Variants in CCBE1 observed in about 807,000 individuals in gnomAD.
The protein encoded by CCBE1 is collagen and calcium-binding EGF domain-containing protein 1.
A neutral mutation model predicts 50.0 loss-of-function variants in CCBE1; 37 were observed. The ratio of observed to expected loss-of-function variants is 0.74; its 90% CI spans 0.57 to 0.97. CCBE1 has a LOEUF of 0.97. CCBE1 is among the 50% of genes least tolerant of loss of function. CCBE1 has a pLI of 0.00. For synonymous variants in CCBE1, 234 were observed against 203.7 expected (o/e 1.15, Z -1.27); for missense variants, 538 against 523.8 (o/e 1.03, Z -0.26).
chr18:59,471,575 A>G (rs1912036534), intron 3 of CCBE1, among the ~76,000 whole-genome samples: 1 of 152,226 alleles, frequency 6.6e-6, no homozygotes, highest in African/African-American at 2.4e-5. Context: ...CTTTGGAATT[A>G]AAAGAATTAC....
chr18:59,618,337 A>G (rs2144598965), intron 2 of CCBE1, among the ~76,000 whole-genome samples: 1 of 152,318 alleles, frequency 6.6e-6, no homozygotes, highest in Admixed American at 6.5e-5. Flanking sequence ...TAGTTTAAAA[A>G]AGAAAAAAAA....
At chr18:59,613,461 C>G (rs1027012283) in intron 2 of CCBE1, among the ~76,000 whole-genome samples, 2 of 152,174 alleles carry the variant, frequency 1.3e-5, no homozygotes, top group Non-Finnish European at 2.9e-5. Flanking sequence ...ACTTACAAAT[C>G]TGATTCTATG....
At chr18:59,696,587 C>A (rs767323285) in intron 2 of CCBE1, 42 bp downstream of exon 2, 2 of 1,611,622 alleles carry the variant, frequency 1.2e-6, no homozygotes, top group Non-Finnish European at 1.7e-6. Flanking sequence ...CAGCCAGCCC[C>A]GGTGCGCAGT....
At chr18:59,625,043 T>G (rs891017589) in intron 2 of CCBE1, among the ~76,000 whole-genome samples, 2 of 152,232 alleles carry the variant, frequency 1.3e-5, no homozygotes, top group African/African-American at 4.8e-5. Flanking sequence ...CTCAGGCGTT[T>G]CTAATATGCT....
chr18:59,576,641 T>A (rs2053001458), intron 2 of CCBE1, among the ~76,000 whole-genome samples: 1 of 152,186 alleles, frequency 6.6e-6, no homozygotes, highest in South Asian at 2.1e-4. Flanking sequence ...CCTACAACAA[T>A]GAGCTGTGAG....
intron 2 of CCBE1, among the ~76,000 whole-genome samples, chr18:59,685,057 A>G (rs1443590734): frequency 4.6e-5 from 7 of 152,208 alleles, no homozygotes; most frequent in African/African-American, 7.2e-5. Context: ...CTTGACACTG[A>G]AAAGCTTTCA....
intron 2 of CCBE1, among the ~76,000 whole-genome samples, chr18:59,494,129 C>G (rs1384463519): frequency 6.6e-6 from 1 of 152,190 alleles, no homozygotes; most frequent in Non-Finnish European, 1.5e-5. Flanking sequence ...GCAATACAAG[C>G]TTCGTAACAG....
In CCBE1 at chr18:59,469,453, C is replaced by G; in HGVS notation, c.400+20G>C. 1 of 1,614,148 alleles carries G rather than the reference C, an allele frequency of 6.2e-7. No individual in the cohort carries two copies. Among genetic ancestry groups the G allele is most frequent in the Admixed American group, 1.7e-5 (1 of 60,026 alleles). ...AAGGCACATGTTCAGAAGCTGGAAA[C>G]AAGCACATTCCCAACACACCCAGAC... On this transcript the variant is annotated intron_variant, in intron 4 of 10. Transcript: ENST00000439986.
At chr18:59,566,418 A>G (rs2052827958) in intron 2 of CCBE1, among the ~76,000 whole-genome samples, 1 of 152,182 alleles carries the variant, frequency 6.6e-6, no homozygotes, top group African/African-American at 2.4e-5. Context: ...CTACCTTTAG[A>G]AAAGCTATAA....
chr18:59,448,661 G>A (rs1910793710), intron 6 of CCBE1, among the ~76,000 whole-genome samples: 1 of 152,196 alleles, frequency 6.6e-6, no homozygotes, highest in African/African-American at 2.4e-5. Context: ...TTGACACTTT[G>A]TGATCACGGG....
At chr18:59,572,829 G>A (rs769095444) in intron 2 of CCBE1, among the ~76,000 whole-genome samples, 2 of 152,162 alleles carry the variant, frequency 1.3e-5, no homozygotes, top group East Asian at 1.9e-4. Context: ...AAGAGTATAC[G>A]TGTGTGCCCC....
intron 2 of CCBE1, among the ~76,000 whole-genome samples, chr18:59,678,408 T>C (rs1430484014): frequency 6.6e-6 from 1 of 152,214 alleles, no homozygotes; most frequent in Non-Finnish European, 1.5e-5. Flanking sequence ...AGTAAATCAT[T>C]GATTTGACTC....
chr18:59,685,796 T>A (rs2054646253), intron 2 of CCBE1: 1 of 152,218 alleles, frequency 6.6e-6, no homozygotes, highest in African/African-American at 2.4e-5. Flanking sequence ...AACATTCTGT[T>A]GTTATAGTGA....
At chr18:59,684,690 G>C (rs143073472) in intron 2 of CCBE1, among the ~76,000 whole-genome samples, 1 of 152,086 alleles carries the variant, frequency 6.6e-6, no homozygotes, top group East Asian at 1.9e-4. Context: ...CAGCATAATT[G>C]CTGTTGTAAC....
chr18:59,506,310 G>A (rs1188675460), intron 2 of CCBE1, among the ~76,000 whole-genome samples: 1 of 152,198 alleles, frequency 6.6e-6, no homozygotes, highest in Non-Finnish European at 1.5e-5. Context: ...TCCCTCTGGA[G>A]CCTCCAGAAG....
chr18:59,525,461 G>A (rs1028190576), intron 2 of CCBE1, among the ~76,000 whole-genome samples: 1 of 152,070 alleles, frequency 6.6e-6, no homozygotes, highest in African/African-American at 2.4e-5. Flanking sequence ...TTTGTCAGAT[G>A]GATAGGTTGC....
intron 2 of CCBE1, among the ~76,000 whole-genome samples, chr18:59,589,790 C>CAAAAAAAAAAAAA (rs752546235): frequency 1.4e-5 from 1 of 73,112 alleles, no homozygotes; most frequent in Non-Finnish European, 2.6e-5. Flanking sequence ...GACTCCATCT[C>CAAAAAAAAAAAAA]AAAAAAAAAA....
chr18:59,476,999 G>A (rs1237430755), intron 3 of CCBE1, among the ~76,000 whole-genome samples: 1 of 152,140 alleles, frequency 6.6e-6, no homozygotes, highest in Non-Finnish European at 1.5e-5. Flanking sequence ...ATGTTATATT[G>A]GCCTAGAGGG....
At chr18:59,557,302 G>T (rs1461331071) in intron 2 of CCBE1, among the ~76,000 whole-genome samples, 1 of 152,142 alleles carries the variant, frequency 6.6e-6, no homozygotes, top group African/African-American at 2.4e-5. Context: ...CCAAATACCA[G>T]CCCTGCTGAT....
Sources: gnomAD v4.1 joint callset for allele counts (sites outside exome capture counted in the v4.1 genomes callset) on GRCh38, gnomAD v4.1.1 for gene constraint, MANE v1.5 for transcripts, NCBI Gene and HGNC (gene_info 2026-07-23, HGNC 2026-07-21) for gene names.